Variants in COX10 observed in about 807,000 individuals in gnomAD.
COX10 encodes the protein cytochrome c oxidase assembly factor heme A:farnesyltransferase COX10, also known as protoheme IX farnesyltransferase, mitochondrial.
In COX10, 27 loss-of-function variants were observed where a neutral mutation model predicts 37.3. The observed-to-expected ratio is 0.72, with a 90% CI of 0.53 to 1.00. The LOEUF (loss-of-function observed/expected upper bound fraction) is 1.00, where lower values mean the gene tolerates loss of function less well. Among genes scored for constraint, COX10 ranks in the 50% least tolerant of loss-of-function variants. The pLI is 0.00. For synonymous variants in COX10, 222 were observed against 229.1 expected (o/e 0.97, Z 0.28); for missense variants, 475 against 563.2 (o/e 0.84, Z 1.59).
rs200942884 is a variant in COX10, at chr17:14,207,074, G to A, written c.1193G>A (p.Arg398His). 151 of 1,613,956 alleles carry A rather than the reference G, an allele frequency of 9.4e-5. No homozygotes were observed. Among genetic ancestry groups the A allele is most frequent in the Middle Eastern group, 1.6e-4 (1 of 6,084 alleles). Residue 398 changes from arginine to histidine, a missense_variant, in exon 7 of 7, where the codon CGC becomes CAC. Physicochemically the swap from Arg to His is conservative, Grantham distance 29. Coordinates refer to ENST00000261643, the MANE Select transcript of COX10 (RefSeq NM_001303.4). Reference sequence around the variant, plus strand: ...GCGTACATCTCCTACCTCGGCTTCCGCTTCTACGTGGACGCAGACCGCAGG... The same window carrying A: ...GCGTACATCTCCTACCTCGGCTTCCACTTCTACGTGGACGCAGACCGCAGG... ...INAYISYLGF[R>H]FYVDADRRSS...
intron 4 of COX10, among the ~76,000 whole-genome samples, chr17:14,122,865 C>T (rs1188680032): frequency 6.6e-6 from 1 of 152,126 alleles, no homozygotes; most frequent in Non-Finnish European, 1.5e-5. Flanking sequence ...CCCAAAGAAA[C>T]CAAGATAATG....
At chr17:14,132,003 TGTC>T (rs1002245644) in intron 4 of COX10, among the ~76,000 whole-genome samples, 3 of 152,034 alleles carry the variant, frequency 2.0e-5, no homozygotes, top group African/African-American at 7.2e-5. Context: ...TGTACATTGT[TGTC>T]ATATATATCT....
intron 5 of COX10, among the ~76,000 whole-genome samples, chr17:14,168,677 G>A (rs1414510854): frequency 6.6e-6 from 1 of 152,202 alleles, no homozygotes; most frequent in Non-Finnish European, 1.5e-5. Context: ...ACCTTCTGAA[G>A]CCATGGCTTG....
rs1305374476 is a variant in COX10, at chr17:14,166,075, C to G, written c.695+6128C>G. ...AAAGTGCAAGGTGAAGCAGCAAGTG[C>G]TAATGGAGAAGCTGCTGCAAGTTAT... On this transcript the variant is annotated intron_variant, in intron 5 of 6. Transcript: ENST00000261643. 2.6e-5 allele frequency among the ~76,000 whole-genome samples: 4 copies of G among 152,330 alleles called. No homozygotes were observed. The East Asian group carries it at 7.7e-4, about 29-fold the overall frequency.
intron 3 of COX10, among the ~76,000 whole-genome samples, chr17:14,084,189 T>A (rs1357990857): frequency 6.6e-6 from 1 of 152,150 alleles, no homozygotes; most frequent in African/African-American, 2.4e-5. Context: ...ATTAAGGGGG[T>A]TTTAGCATTC....
At chr17:14,083,498 C>G (rs1467376793) in intron 3 of COX10, among the ~76,000 whole-genome samples, 1 of 152,170 alleles carries the variant, frequency 6.6e-6, no homozygotes, top group African/African-American at 2.4e-5. Flanking sequence ...GCCTTTCTTT[C>G]TTTCCCTCCT....
chr17:14,174,562 C>T (rs1438743608), intron 5 of COX10, among the ~76,000 whole-genome samples: 3 of 151,310 alleles, frequency 2.0e-5, no homozygotes, highest in African/African-American at 7.3e-5. Context: ...AGTAATCATA[C>T]GGGAAATGCA....
chr17:14,150,379 C>G (rs965008134), intron 4 of COX10, among the ~76,000 whole-genome samples: 2 of 152,164 alleles, frequency 1.3e-5, no homozygotes, highest in African/African-American at 4.8e-5. Flanking sequence ...TTAACCTAGT[C>G]AGAAAATAAG....
intron 6 of COX10, among the ~76,000 whole-genome samples, chr17:14,196,009 T>A (rs749299397): frequency 7.8e-4 from 118 of 152,122 alleles, no homozygotes; most frequent in South Asian, 1.2e-3. Flanking sequence ...GTTTTTATCT[T>A]AGGGGACATG....
intron 4 of COX10, among the ~76,000 whole-genome samples, chr17:14,106,246 A>G (rs1292912266): frequency 6.6e-6 from 1 of 152,060 alleles, no homozygotes; most frequent in Admixed American, 6.6e-5. Context: ...TGAACTCCTG[A>G]CCTCAAGTAA....
At chr17:14,151,236 A>C (rs935937721) in intron 4 of COX10, among the ~76,000 whole-genome samples, 1 of 152,204 alleles carries the variant, frequency 6.6e-6, no homozygotes, top group Non-Finnish European at 1.5e-5. Context: ...AAATGCATGA[A>C]GAACAGAATC....
At chr17:14,188,387 A>C (rs1185047018) in intron 5 of COX10, among the ~76,000 whole-genome samples, 3 of 151,930 alleles carry the variant, frequency 2.0e-5, no homozygotes, top group African/African-American at 7.2e-5. Flanking sequence ...ATTGTGTGCC[A>C]TGTTGGGAAG....
At chr17:14,082,085 G>A (rs546088817) in intron 3 of COX10, among the ~76,000 whole-genome samples, 3 of 152,312 alleles carry the variant, frequency 2.0e-5, no homozygotes, top group East Asian at 3.9e-4. Flanking sequence ...CTGGCAGTGA[G>A]GTCACGGTAG....
intron 6 of COX10, among the ~76,000 whole-genome samples, chr17:14,194,714 C>T (rs183506972): frequency 2.6e-5 from 4 of 152,276 alleles, no homozygotes; most frequent in East Asian, 3.9e-4. Context: ...CGTGAGCCAC[C>T]GCGCCTGGCC....
intron 4 of COX10, among the ~76,000 whole-genome samples, chr17:14,150,036 CTGAGGCGAGTGGATCACT>C (rs1302606396): frequency 7.2e-5 from 11 of 152,092 alleles, no homozygotes; most frequent in African/African-American, 2.7e-4. Context: ...TCTTAAGAGG[CTGAGGCGAGTGGATCACT>C]TGAGGCCAAG....
intron 4 of COX10, among the ~76,000 whole-genome samples, chr17:14,154,792 A>T (rs1904996791): frequency 6.6e-6 from 1 of 152,176 alleles, no homozygotes; most frequent in African/African-American, 2.4e-5. Flanking sequence ...TGAGGAAACT[A>T]AGGCTTCCGA....
At chr17:14,198,595 A>G (rs1906437823) in intron 6 of COX10, among the ~76,000 whole-genome samples, 9 of 152,194 alleles carry the variant, frequency 5.9e-5, no homozygotes, top group Admixed American at 3.3e-4. Flanking sequence ...CAGAAATGGG[A>G]TCTTATCAGG....
In COX10 at chr17:14,208,166, C is replaced by T. The variant is rs1247167805; in HGVS notation, c.*953C>T. On this transcript the variant is annotated 3_prime_UTR_variant, in exon 7 of 7. Transcript: ENST00000261643. ...GTCCCTTGGGTGAAAAATACATGTC[C>T]ATCCTGATATCTCCTGAATTCAGAA... 3 of 152,238 alleles carry T rather than the reference C, an allele frequency of 2.0e-5. No individual in the cohort carries two copies. The highest frequency in any genetic ancestry group is 4.4e-5 in the Non-Finnish European group (3 of 68,040). The allele number at this position is 152,238 out of a possible 1,614,324, so 9.4% of individuals were successfully genotyped here.
At chr17:14,070,914 A>G (rs1409371696) in intron 1 of COX10, among the ~76,000 whole-genome samples, 1 of 152,208 alleles carries the variant, frequency 6.6e-6, no homozygotes, top group Non-Finnish European at 1.5e-5. Context: ...GGTAGAATAG[A>G]TTGGCTAGGG....
Sources: gnomAD v4.1 joint callset for allele counts (sites outside exome capture counted in the v4.1 genomes callset) on GRCh38, gnomAD v4.1.1 for gene constraint, MANE v1.5 for transcripts, NCBI Gene and HGNC (gene_info 2026-07-23, HGNC 2026-07-21) for gene names.